PCDH7: variants seen among roughly 807,000 people sequenced by gnomAD.
PCDH7 encodes protocadherin 7, also known as protocadherin-7.
A neutral mutation model predicts 58.9 loss-of-function variants in PCDH7; 17 were observed. The observed-to-expected ratio is 0.29, with a 90% CI of 0.20 to 0.43. PCDH7 has a LOEUF of 0.43. PCDH7 is among the 20% of genes least tolerant of loss of function. PCDH7 has a pLI of 1.00. For missense variants in PCDH7, 1,274 were observed against 1,441.0 expected, an observed-to-expected ratio of 0.88 and a Z score of 1.88; for synonymous variants, 664 against 616.4, an observed-to-expected ratio of 1.08 and a Z score of -1.14.
chr4:31,011,513 ATTC>A (rs1217668552), intron 3 of PCDH7, among the ~76,000 whole-genome samples: 1 of 151,856 alleles, frequency 6.6e-6, no homozygotes, highest in African/African-American at 2.4e-5. Flanking sequence ...TCTCTTTTCT[ATTC>A]TTCTTTTCTC....
intron 3 of PCDH7, among the ~76,000 whole-genome samples, chr4:31,119,594 G>A (rs1264572802): frequency 6.6e-6 from 1 of 152,080 alleles, no homozygotes; most frequent in Non-Finnish European, 1.5e-5. Flanking sequence ...ACTTGAAAGA[G>A]ACCCAAGCAG....
intron 2 of PCDH7, among the ~76,000 whole-genome samples, chr4:30,940,238 C>CT (rs1206693414): frequency 6.6e-6 from 1 of 151,750 alleles, no homozygotes; most frequent in Non-Finnish European, 1.5e-5. Flanking sequence ...GAGTAGATTG[C>CT]TTTTTTTGTC....
chr4:31,131,248 GTAAA>G (rs976764096), intron 3 of PCDH7, among the ~76,000 whole-genome samples: 7 of 152,124 alleles, frequency 4.6e-5, no homozygotes, highest in African/African-American at 1.7e-4. Flanking sequence ...GTAATAGGCA[GTAAA>G]TAAAGGAAAA....
chr4:30,902,784 A>G (rs1303249457), intron 1 of PCDH7, among the ~76,000 whole-genome samples: 2 of 152,194 alleles, frequency 1.3e-5, no homozygotes, highest in Non-Finnish European at 2.9e-5. Flanking sequence ...TCAAATATGA[A>G]ATGTAAACAG....
intron 1 of PCDH7, among the ~76,000 whole-genome samples, chr4:30,850,586 C>G (rs1244773202): frequency 1.3e-5 from 2 of 151,966 alleles, no homozygotes; most frequent in African/African-American, 2.4e-5. Flanking sequence ...ATTTCTAGTT[C>G]TGCATCCATT....
chr4:30,828,312 A>G (rs1206350825), intron 1 of PCDH7, among the ~76,000 whole-genome samples: 1 of 152,096 alleles, frequency 6.6e-6, no homozygotes, highest in East Asian at 1.9e-4. Context: ...AAGAATAAAT[A>G]CATAATATAT....
At chr4:31,074,882 T>C (rs1758853912) in intron 3 of PCDH7, among the ~76,000 whole-genome samples, 1 of 151,524 alleles carries the variant, frequency 6.6e-6, no homozygotes, top group South Asian at 2.1e-4. Flanking sequence ...TTGCTCATCA[T>C]TTGTACCAGG....
At chr4:31,097,593 T>C (rs1480020775) in intron 3 of PCDH7, among the ~76,000 whole-genome samples, 10 of 18,638 alleles carry the variant, frequency 5.4e-4, no homozygotes, top group Admixed American at 2.7e-3. Context: ...TATACATATA[T>C]ATATATATAT....
chr4:31,122,054 C>G (rs1225598763), intron 3 of PCDH7, among the ~76,000 whole-genome samples: 1 of 151,882 alleles, frequency 6.6e-6, no homozygotes, highest in African/African-American at 2.4e-5. Context: ...CTGATGATGA[C>G]TATTTTGGAA....
chr4:30,899,744 C>G (rs1739961910), intron 1 of PCDH7, among the ~76,000 whole-genome samples: 1 of 151,620 alleles, frequency 6.6e-6, no homozygotes. Context: ...TTTATCAATT[C>G]TTCACCACAT....
intron 3 of PCDH7, among the ~76,000 whole-genome samples, chr4:31,118,588 T>G (rs1217937073): frequency 2.0e-5 from 3 of 151,806 alleles, no homozygotes; most frequent in Admixed American, 6.6e-5. Context: ...TCAACCTGAG[T>G]AGTATCTAAT....
chr4:31,067,270 A>G (rs1758163994), intron 3 of PCDH7, among the ~76,000 whole-genome samples: 3 of 151,742 alleles, frequency 2.0e-5, no homozygotes, highest in Non-Finnish European at 4.4e-5. Context: ...GGGACCTACA[A>G]CAAGGTTTGG....
chr4:30,964,494 G>A, intron 3 of PCDH7, among the ~76,000 whole-genome samples: 1 of 151,978 alleles, frequency 6.6e-6, no homozygotes, highest in South Asian at 2.1e-4. Flanking sequence ...GCCTGCCTCG[G>A]CCTCCCAAAG....
intron 3 of PCDH7, among the ~76,000 whole-genome samples, chr4:30,955,009 T>G (rs1747703694): frequency 6.6e-6 from 1 of 152,172 alleles, no homozygotes; most frequent in South Asian, 2.1e-4. Flanking sequence ...AGTGCTGTGA[T>G]CATGTATTCC....
At chr4:30,898,314 A>G (rs1297809517) in intron 1 of PCDH7, among the ~76,000 whole-genome samples, 1 of 152,124 alleles carries the variant, frequency 6.6e-6, no homozygotes, top group Non-Finnish European at 1.5e-5. Flanking sequence ...TCACCCTTTC[A>G]GAGCCTTAGT....
chr4:31,035,829 G>A (rs1333452825), intron 3 of PCDH7, among the ~76,000 whole-genome samples: 1 of 152,100 alleles, frequency 6.6e-6, no homozygotes, highest in African/African-American at 2.4e-5. Flanking sequence ...GATTTTCTTG[G>A]CTTTCAAATG....
At chr4:30,729,944 T>G (rs1715242553) in intron 1 of PCDH7, among the ~76,000 whole-genome samples, 1 of 151,964 alleles carries the variant, frequency 6.6e-6, no homozygotes, top group Non-Finnish European at 1.5e-5. Flanking sequence ...AATTATTGAA[T>G]CTATTAATTT....
intron 3 of PCDH7, among the ~76,000 whole-genome samples, chr4:31,083,205 A>G (rs1340873595): frequency 6.6e-6 from 1 of 152,174 alleles, no homozygotes; most frequent in African/African-American, 2.4e-5. Context: ...ATTCACCACT[A>G]TTTAATTCAT....
chr4:31,031,142 A>G (rs1754882204), intron 3 of PCDH7, among the ~76,000 whole-genome samples: 1 of 152,198 alleles, frequency 6.6e-6, no homozygotes, highest in Non-Finnish European at 1.5e-5. Context: ...TGGAAGAGGA[A>G]AGATGGTTAA....
Sources: gnomAD v4.1 joint callset for allele counts (sites outside exome capture counted in the v4.1 genomes callset) on GRCh38, gnomAD v4.1.1 for gene constraint, MANE v1.5 for transcripts, NCBI Gene and HGNC (gene_info 2026-07-23, HGNC 2026-07-21) for gene names.